FGD5: variants seen among roughly 807,000 people sequenced by gnomAD.
FGD5 encodes the protein FYVE, RhoGEF and PH domain-containing protein 5.
Under a neutral mutation model 133.4 loss-of-function variants are expected in FGD5, and 28 were observed. The observed-to-expected ratio is 0.21, with a 90% CI of 0.16 to 0.29. The LOEUF is 0.29. Ranked by LOEUF, FGD5 falls within the 10% of genes least tolerant of loss-of-function variation. The pLI is 1.00. For missense variants in FGD5, 1,858 were observed against 1,895.2 expected (o/e 0.98, Z 0.36); for synonymous variants, 810 against 776.5 (o/e 1.04, Z -0.72).
At position 14,898,746 on chromosome 3, in the gene FGD5, T is replaced by C; in HGVS notation, c.3074T>C (p.Val1025Ala). The change falls in exon 7 of 20, where the codon GTA becomes GCA. Residue 1025 changes from valine (V) to alanine (A), a missense_variant. Around this residue, in one of 3 missense-constraint regions of FGD5, gnomAD observed 1,824 missense variants for 1,848.9 expected, o/e 0.99. Coordinates refer to ENST00000285046, the MANE Select transcript of FGD5 (RefSeq NM_152536.4). Reference sequence around the variant, plus strand: ...TCCCTGTCTTGAGAGCAGCAGAGTGTACAAGGAGGCAGCCAGACTGCGAAG... The same window carrying C: ...TCCCTGTCTTGAGAGCAGCAGAGTGCACAAGGAGGCAGCCAGACTGCGAAG... The part of the protein sequence containing the change: ...AAAVREFEQS[V>A]QGGSQTAKHR... 1 of 1,582,168 alleles carries C rather than the reference T, an allele frequency of 6.3e-7. No individual in the cohort carries two copies. The highest frequency in any genetic ancestry group is 8.6e-7 in the Non-Finnish European group (1 of 1,164,550).
intron 1 of FGD5, among the ~76,000 whole-genome samples, chr3:14,825,711 TAAAA>T (rs796472516): frequency 1.4e-5 from 2 of 147,142 alleles, no homozygotes; most frequent in African/African-American, 5.0e-5. Flanking sequence ...GATGCTCACT[TAAAA>T]AAAAAAAGTT....
chr3:14,876,619 G>A lies in FGD5; in HGVS notation c.2659-3953G>A, dbSNP rs115974981. Among the ~76,000 whole-genome samples the A allele has an allele frequency of 9.8e-3, 1,495 of 152,244 alleles. 18 individuals carry two copies. The highest frequency in any genetic ancestry group is 0.016 in the Non-Finnish European group (1,056 of 68,020). ...TTTTTACATTTTTACAAATATTAAT[G>A]TCTGGCTGAACAGAAGGTAGCTGGA... On this transcript the variant is annotated intron_variant, in intron 2 of 19. Coordinates refer to ENST00000285046, the MANE Select transcript of FGD5 (RefSeq NM_152536.4).
At chr3:14,855,110 C>G (rs1575210597) in intron 1 of FGD5, among the ~76,000 whole-genome samples, 1 of 152,174 alleles carries the variant, frequency 6.6e-6, no homozygotes, top group African/African-American at 2.4e-5. Context: ...TGAGAACATG[C>G]AGTGTTTAAC....
intron 1 of FGD5, among the ~76,000 whole-genome samples, chr3:14,828,601 C>T (rs553340914): frequency 6.6e-6 from 1 of 152,210 alleles, no homozygotes; most frequent in African/African-American, 2.4e-5. Flanking sequence ...GCTAGCGTTC[C>T]CGGAGTATCT....
intron 2 of FGD5, among the ~76,000 whole-genome samples, chr3:14,870,836 C>T (rs2037593198): frequency 6.6e-6 from 1 of 152,230 alleles, no homozygotes; most frequent in Admixed American, 6.5e-5. Context: ...GGCCTGCCTG[C>T]TTCCTGTGTT....
chr3:14,886,719 C>A lies in FGD5; in HGVS notation c.2748+5947C>A, dbSNP rs112716787. On this transcript the variant is annotated intron_variant, in intron 4 of 19. Coordinates refer to ENST00000285046, the MANE Select transcript of FGD5 (RefSeq NM_152536.4). ...TTTGTGACTGGTTATGTTGTGTTTT[C>A]ATTTTCATGCGGCTCACAATACTTT... Among the ~76,000 whole-genome samples, 215 of 152,348 alleles carry A rather than the reference C, an allele frequency of 1.4e-3. 1 individual carries two copies. Among genetic ancestry groups the A allele is most frequent in the Middle Eastern group, 0.01 (3 of 294 alleles).
chr3:14,869,902 G>A (rs193218525), intron 2 of FGD5, among the ~76,000 whole-genome samples: 19 of 152,332 alleles, frequency 1.2e-4, no homozygotes, highest in African/African-American at 4.6e-4. Context: ...CTGTGAACGT[G>A]GGTGCACAGA....
chr3:14,850,521 C>T (rs145572742), intron 1 of FGD5, among the ~76,000 whole-genome samples: 1 of 152,154 alleles, frequency 6.6e-6, no homozygotes, highest in African/African-American at 2.4e-5. Flanking sequence ...ACGCCCTCCC[C>T]CTGGGTGATG....
Position 14,880,787 on chromosome 3 carries a change from T to G in FGD5, c.2748+15T>G, listed in dbSNP as rs200563195. 185 of 1,613,004 alleles carry G rather than the reference T, an allele frequency of 1.1e-4. No individual in the cohort carries two copies. Among genetic ancestry groups the G allele is most frequent in the Middle Eastern group, 9.9e-4 (6 of 6,062 alleles). ...ACTTAAATCTGGTGAGTTAATCATT[T>G]TAATTGTCCAAAACTAATTGCCCTT... On this transcript the variant is annotated intron_variant, in intron 4 of 19. Coordinates refer to ENST00000285046, the MANE Select transcript of FGD5 (RefSeq NM_152536.4).
At chr3:14,835,117 C>T (rs1464558785) in intron 1 of FGD5, among the ~76,000 whole-genome samples, 1 of 151,910 alleles carries the variant, frequency 6.6e-6, no homozygotes, top group Non-Finnish European at 1.5e-5. Context: ...CAAGCGTTGC[C>T]CCCGCCTTAG....
At chr3:14,916,580 A>G (rs1217915103) in intron 11 of FGD5, among the ~76,000 whole-genome samples, 2 of 152,188 alleles carry the variant, frequency 1.3e-5, no homozygotes, top group Admixed American at 1.3e-4. Context: ...AGTGAAATGC[A>G]TCAACCTTAA....
intron 17 of FGD5, among the ~76,000 whole-genome samples, chr3:14,924,750 TTAAATAGG>T (rs1030183101): frequency 1.1e-4 from 16 of 152,314 alleles, no homozygotes; most frequent in Non-Finnish European, 1.8e-4. Flanking sequence ...AATGGAAAAT[TTAAATAGG>T]TACAGTTTTA....
chr3:14,866,837 G>A (rs776078561), intron 2 of FGD5, among the ~76,000 whole-genome samples: 47 of 152,158 alleles, frequency 3.1e-4, no homozygotes, highest in Admixed American at 9.2e-4. Context: ...CATGTGTCCT[G>A]TGGGGGCCAG....
chr3:14,888,493 A>G (rs530167786), intron 4 of FGD5, among the ~76,000 whole-genome samples: 2 of 152,384 alleles, frequency 1.3e-5, no homozygotes, highest in Admixed American at 6.5e-5. Context: ...CGTATTTTCT[A>G]AGAACCTCCA....
In FGD5 at chr3:14,858,779, A is replaced by T. The variant is rs1327553628; in HGVS notation, c.2526-5349A>T. ...GTAAGTGTTCCCAATCTTTTTCCCC[A>T]AGGGAAGACGTGGTTACTTGCCCAG... is the stretch of plus-strand genomic sequence containing the variant. On this transcript the variant is annotated intron_variant, in intron 1 of 19. Transcript: ENST00000285046. Among the ~76,000 whole-genome samples the T allele has an allele frequency of 2.0e-5, 3 of 152,214 alleles. No individual in the cohort carries two copies. The East Asian group carries it at 5.8e-4, about 29-fold the overall frequency.
Position 14,897,633 on chromosome 3 carries a change from G to T in FGD5, c.2873G>T (p.Gly958Val). Reference sequence around the variant, plus strand: ...CCAGCCATCCACGACCTTCATCAAGGCATCCTGGAGGAGCTGGAGGAAAGG... The same window carrying T: ...CCAGCCATCCACGACCTTCATCAAGTCATCCTGGAGGAGCTGGAGGAAAGG... ...ELPAIHDLHQGILEELEERLS... is the reference protein window; with the variant it reads ...ELPAIHDLHQVILEELEERLS... The change falls in exon 5 of 20, where the codon GGC becomes GTC. Residue 958 changes from glycine (G) to valine (V), a missense_variant. Around this residue, in one of 3 missense-constraint regions of FGD5, gnomAD observed 1,824 missense variants for 1,848.9 expected, o/e 0.99. Coordinates refer to ENST00000285046, the MANE Select transcript of FGD5 (RefSeq NM_152536.4). 6.2e-7 allele frequency: 1 copy of T among 1,606,610 alleles called. No individual in the cohort carries two copies.
chr3:14,903,831 G>T (rs886769389), intron 9 of FGD5, among the ~76,000 whole-genome samples: 2 of 152,020 alleles, frequency 1.3e-5, no homozygotes, highest in Admixed American at 1.3e-4. Flanking sequence ...TTGTTCTAGG[G>T]TCCCTTCCAG....
chr3:14,886,457 G>A (rs1031994159), intron 4 of FGD5, among the ~76,000 whole-genome samples: 1 of 152,212 alleles, frequency 6.6e-6, no homozygotes, highest in African/African-American at 2.4e-5. Context: ...TTAGAATCAA[G>A]TTCACAACTG....
At chr3:14,866,978 C>G (rs2037507836) in intron 2 of FGD5, among the ~76,000 whole-genome samples, 1 of 152,186 alleles carries the variant, frequency 6.6e-6, no homozygotes, top group Non-Finnish European at 1.5e-5. Flanking sequence ...AGTTCACTCA[C>G]CAGAGTCCAG....
Sources: allele counts gnomAD v4.1 joint callset (sites outside exome capture counted in the v4.1 genomes callset), GRCh38; gene constraint gnomAD v4.1.1; regional missense constraint gnomAD v4.1.1; transcripts MANE v1.5; gene names NCBI Gene and HGNC (gene_info 2026-07-23, HGNC 2026-07-21).